HS3ST4: variants seen among roughly 807,000 people sequenced by gnomAD.
HS3ST4 encodes heparan sulfate glucosamine 3-O-sulfotransferase 4.
Under a neutral mutation model 29.2 loss-of-function variants are expected in HS3ST4, and 17 were observed. The observed-to-expected ratio is 0.58, with a 90% CI of 0.40 to 0.87. HS3ST4 has a LOEUF of 0.87. Ranked by LOEUF, HS3ST4 falls within the 40% of genes least tolerant of loss-of-function variation. The pLI, the probability that HS3ST4 is intolerant of heterozygous loss-of-function variation, is 0.00. For synonymous variants in HS3ST4, 314 were observed against 285.7 expected (o/e 1.10, Z -1.00); for missense variants, 627 against 634.5 (o/e 0.99, Z 0.13).
In HS3ST4 at chr16:26,038,654, TTATGTATG is replaced by T. The variant is rs551652348; in HGVS notation, c.735-96930_735-96923del. On this transcript the variant is annotated intron_variant, in intron 1 of 1. Coordinates refer to ENST00000331351, the MANE Select transcript of HS3ST4 (RefSeq NM_006040.3). ...TCCAATGGTTCTATTTTTTTTTTAA[TTATGTATG>T]TATGTATGTATGTATGTATGTATGT... Among the ~76,000 whole-genome samples, 628 of 149,744 alleles carry T rather than the reference TTATGTATG, an allele frequency of 4.2e-3. 1 individual carries two copies. Among genetic ancestry groups the T allele is most frequent in the African/African-American group, 0.014 (573 of 40,352 alleles).
In HS3ST4 at chr16:26,071,330, C is replaced by T. The variant is rs919537886; in HGVS notation, c.735-64282C>T. ...TGTAGAAATTAGGAGTCCGTGGGTG[C>T]GGGGTTGTGGTGAAAAGTGCTGTTT... On this transcript the variant is annotated intron_variant, in intron 1 of 1. Transcript: ENST00000331351. Among the ~76,000 whole-genome samples the T allele has an allele frequency of 2.4e-4, 36 of 151,798 alleles. 1 individual carries two copies. Among genetic ancestry groups the T allele is most frequent in the African/African-American group, 6.8e-4 (28 of 41,294 alleles).
intron 1 of HS3ST4, among the ~76,000 whole-genome samples, chr16:25,999,892 A>ATT (rs1384771443): frequency 4.1e-5 from 5 of 120,588 alleles, no homozygotes; most frequent in African/African-American, 1.7e-4. Context: ...TTATATATAT[A>ATT]TATTTTATAT....
At chr16:26,116,555 T>A (rs960215858) in intron 1 of HS3ST4, among the ~76,000 whole-genome samples, 1 of 151,096 alleles carries the variant, frequency 6.6e-6, no homozygotes, top group Admixed American at 6.7e-5. Flanking sequence ...GTAAGAAAAA[T>A]AAATTTAAAG....
chr16:26,051,102 A>T (rs1318931671), intron 1 of HS3ST4, among the ~76,000 whole-genome samples: 3 of 152,126 alleles, frequency 2.0e-5, no homozygotes, highest in Non-Finnish European at 4.4e-5. Flanking sequence ...CTGAGTTTTA[A>T]TAATGAGCCC....
chr16:25,789,110 T>C (rs1333396274), intron 1 of HS3ST4, among the ~76,000 whole-genome samples: 1 of 152,064 alleles, frequency 6.6e-6, no homozygotes, highest in Non-Finnish European at 1.5e-5. Context: ...TTACCTCAGC[T>C]TCCTCGTCTG....
At chr16:25,861,515 T>G (rs1051590409) in intron 1 of HS3ST4, among the ~76,000 whole-genome samples, 1 of 152,200 alleles carries the variant, frequency 6.6e-6, no homozygotes, top group African/African-American at 2.4e-5. Flanking sequence ...TTTTTGTTTA[T>G]TCTAAACTTT....
chr16:25,983,020 C>T (rs1042780504), intron 1 of HS3ST4, among the ~76,000 whole-genome samples: 1 of 152,208 alleles, frequency 6.6e-6, no homozygotes, highest in Non-Finnish European at 1.5e-5. Context: ...CATCCCTACC[C>T]TCATGGAGCT....
chr16:25,899,477 A>G (rs532379267), intron 1 of HS3ST4, among the ~76,000 whole-genome samples: 47 of 151,574 alleles, frequency 3.1e-4, no homozygotes, highest in Admixed American at 9.9e-4. Context: ...ATGTCAGGAC[A>G]GGTATGCTGA....
intron 1 of HS3ST4, among the ~76,000 whole-genome samples, chr16:26,054,474 A>T (rs528253043): frequency 6.6e-6 from 1 of 152,360 alleles, no homozygotes; most frequent in South Asian, 2.1e-4. Flanking sequence ...AATCCTTGTC[A>T]ATTTCCATCA....
Position 25,843,708 on chromosome 16 carries a change from C to G in HS3ST4, c.734+150557C>G, listed in dbSNP as rs564794624. On this transcript the variant is annotated intron_variant, in intron 1 of 1. Coordinates refer to ENST00000331351, the MANE Select transcript of HS3ST4 (RefSeq NM_006040.3). ...TCTAATGATCGTCTACATTTAACAA[C>G]TGTAATCAGCTCTAATCTTTCAATC... is the stretch of plus-strand genomic sequence containing the variant. Among the ~76,000 whole-genome samples, 4 of 152,336 alleles carry G rather than the reference C, an allele frequency of 2.6e-5. No individual in the cohort carries two copies. The East Asian group carries it at 7.7e-4, about 29-fold the overall frequency.
At chr16:25,889,258 C>T (rs1485632506) in intron 1 of HS3ST4, among the ~76,000 whole-genome samples, 1 of 152,162 alleles carries the variant, frequency 6.6e-6, no homozygotes, top group Non-Finnish European at 1.5e-5. Context: ...GGGACTCTCT[C>T]CTTTGCCAGA....
At chr16:26,115,285 A>T (rs1291444254) in intron 1 of HS3ST4, among the ~76,000 whole-genome samples, 1 of 139,098 alleles carries the variant, frequency 7.2e-6, no homozygotes. Context: ...ACACACACAC[A>T]CAAGTATAAA....
At chr16:25,729,085 AAAAAAAG>A (rs1398028376) in intron 1 of HS3ST4, among the ~76,000 whole-genome samples, 1 of 152,092 alleles carries the variant, frequency 6.6e-6, no homozygotes, top group Non-Finnish European at 1.5e-5. Context: ...CTTATCTTGA[AAAAAAAG>A]GAAAAAGGAA....
At chr16:26,074,018 C>G (rs973842868) in intron 1 of HS3ST4, among the ~76,000 whole-genome samples, 1 of 152,140 alleles carries the variant, frequency 6.6e-6, no homozygotes, top group Non-Finnish European at 1.5e-5. Context: ...CAAGACCTTG[C>G]ATTATTTTCC....
At chr16:26,046,655 C>A (rs1189133071) in intron 1 of HS3ST4, among the ~76,000 whole-genome samples, 2 of 152,024 alleles carry the variant, frequency 1.3e-5, no homozygotes, top group Non-Finnish European at 2.9e-5. Flanking sequence ...CTCTTTAAGA[C>A]TCAGGAGGAT....
chr16:25,920,987 G>A (rs1278432374), intron 1 of HS3ST4, among the ~76,000 whole-genome samples: 2 of 152,076 alleles, frequency 1.3e-5, no homozygotes, highest in Non-Finnish European at 2.9e-5. Context: ...ATCTAAAATT[G>A]TAACCCACTC....
intron 1 of HS3ST4, among the ~76,000 whole-genome samples, chr16:25,698,011 T>C (rs1298795878): frequency 1.3e-5 from 2 of 152,126 alleles, no homozygotes; most frequent in Admixed American, 1.3e-4. Flanking sequence ...ATGCTGCTGC[T>C]GCTGCTGCTG....
chr16:25,986,242 A>G (rs1284366479), intron 1 of HS3ST4, among the ~76,000 whole-genome samples: 4 of 152,110 alleles, frequency 2.6e-5, no homozygotes, highest in Non-Finnish European at 5.9e-5. Flanking sequence ...GTTCCAGGAG[A>G]GTAGGTTGCT....
At chr16:25,799,406 TA>T (rs1301050113) in intron 1 of HS3ST4, among the ~76,000 whole-genome samples, 1 of 152,204 alleles carries the variant, frequency 6.6e-6, no homozygotes, top group African/African-American at 2.4e-5. Flanking sequence ...AAGTAATATA[TA>T]ATCTTCAGAG....
Sources: gnomAD v4.1 joint callset for allele counts (sites outside exome capture counted in the v4.1 genomes callset) on GRCh38, gnomAD v4.1.1 for gene constraint, MANE v1.5 for transcripts, NCBI Gene and HGNC (gene_info 2026-07-23, HGNC 2026-07-21) for gene names.